The following SYK variants were observed in gnomAD, a reference collection of about 807,000 sequenced individuals.
The protein encoded by SYK is spleen associated tyrosine kinase, also known as tyrosine-protein kinase SYK.
In SYK, 16 loss-of-function variants were observed where a neutral mutation model predicts 77.8. The observed-to-expected ratio is 0.21, with a 90% CI of 0.14 to 0.31. The LOEUF is 0.31. Among genes scored for constraint, SYK ranks in the 10% least tolerant of loss-of-function variants. The pLI is 1.00. For synonymous variants in SYK, 312 were observed against 308.7 expected (o/e 1.01, Z -0.11); for missense variants, 529 against 814.4 (o/e 0.65, Z 4.26).
intron 3 of SYK, among the ~76,000 whole-genome samples, chr9:90,857,298 A>G (rs1254411928): frequency 6.6e-6 from 1 of 152,252 alleles, no homozygotes; most frequent in Admixed American, 6.5e-5. Flanking sequence ...GACCTAGGTC[A>G]TCATAAAGAG....
intron 13 of SYK, among the ~76,000 whole-genome samples, chr9:90,894,817 G>A (rs1015833368): frequency 6.6e-6 from 1 of 152,238 alleles, no homozygotes; most frequent in South Asian, 2.1e-4. Context: ...AGAAGTGTCT[G>A]TAAGTGTTTG....
chr9:90,814,857 CACACACACAA>C (rs139451376), intron 1 of SYK, among the ~76,000 whole-genome samples: 39,763 of 120,332 alleles, frequency 0.33, 6,070 homozygotes, highest in East Asian at 0.47. Flanking sequence ...CACACACACA[CACACACACAA>C]AATAATGTTA....
At chr9:90,886,549 C>CA (rs1156290561) in intron 11 of SYK, among the ~76,000 whole-genome samples, 1 of 152,050 alleles carries the variant, frequency 6.6e-6, no homozygotes, top group African/African-American at 2.4e-5. Context: ...ACTAAAAATA[C>CA]AAAAAATTGG....
intron 1 of SYK, among the ~76,000 whole-genome samples, chr9:90,819,987 A>G (rs559723986): frequency 6.6e-6 from 1 of 152,318 alleles, no homozygotes; most frequent in Non-Finnish European, 1.5e-5. Context: ...CAAAACAAAG[A>G]GGTTACAGGG....
At chr9:90,886,307 T>TA (rs1434241600) in intron 11 of SYK, among the ~76,000 whole-genome samples, 3 of 152,140 alleles carry the variant, frequency 2.0e-5, no homozygotes, top group Admixed American at 6.5e-5. Context: ...AGACTTTTTT[T>TA]AAAAAAATGC....
chr9:90,891,505 C>T (rs999998845), intron 13 of SYK, among the ~76,000 whole-genome samples: 1 of 152,170 alleles, frequency 6.6e-6, no homozygotes, highest in Admixed American at 6.5e-5. Flanking sequence ...TCTATTGACA[C>T]AGCTGCCGGC....
At position 90,865,032 on chromosome 9, in the gene SYK, T is replaced by C. The variant is rs769075123; in HGVS notation, c.797-16T>C. 2.5e-6 allele frequency: 4 copies of C among 1,613,960 alleles called. No individual in the cohort carries two copies. The South Asian group carries it at 3.3e-5, about 13-fold the overall frequency. ...CCTCAGATAGAGCAGTAATTGTCCA[T>C]GCTCTCTCTAACCAGGAAATGTTAA... On this transcript the variant is annotated splice_polypyrimidine_tract_variant and intron_variant, in intron 5 of 13. Transcript: ENST00000375754.
intron 1 of SYK, among the ~76,000 whole-genome samples, chr9:90,838,711 GA>G (rs908838123): frequency 1.4e-4 from 21 of 152,238 alleles, no homozygotes; most frequent in African/African-American, 4.6e-4. Flanking sequence ...GTCACACATG[GA>G]AAAAAATAAC....
At chr9:90,833,072 C>T (rs767253231) in intron 1 of SYK, among the ~76,000 whole-genome samples, 2 of 152,196 alleles carry the variant, frequency 1.3e-5, no homozygotes, top group African/African-American at 2.4e-5. Flanking sequence ...TCCAATGAGG[C>T]ATCTGGTTTC....
At chr9:90,890,374 C>T (rs73506066) in intron 13 of SYK, among the ~76,000 whole-genome samples, 3,796 of 152,234 alleles carry the variant, frequency 0.025, 77 homozygotes, top group South Asian at 0.049. Context: ...AGGGGCAGAC[C>T]GGGGAGGGAA....
chr9:90,817,845 TTGTGTGTGTGTG>T (rs746939088), intron 1 of SYK, among the ~76,000 whole-genome samples: 12,236 of 137,272 alleles, frequency 0.089, 569 homozygotes, highest in Middle Eastern at 0.14. Flanking sequence ...CTCAATAATG[TTGTGTGTGTGTG>T]TGTGTGTGTG....
chr9:90,850,936 A>G (rs1826797078), intron 3 of SYK, among the ~76,000 whole-genome samples: 1 of 152,194 alleles, frequency 6.6e-6, no homozygotes, highest in African/African-American at 2.4e-5. Context: ...CAGATGATGG[A>G]AGCAGATTAC....
chr9:90,871,628 T>C (rs1313742868), intron 7 of SYK, among the ~76,000 whole-genome samples: 1 of 152,234 alleles, frequency 6.6e-6, no homozygotes, highest in Non-Finnish European at 1.5e-5. Context: ...CATCTTCATC[T>C]TTATCATAAA....
upstream of SYK, chr9:90,801,706 G>C (rs1826735770): frequency 6.6e-6 from 1 of 152,228 alleles, no homozygotes; most frequent in Admixed American, 6.5e-5. Context: ...CGGTCAGCAG[G>C]GCGGGCCAGG....
chr9:90,865,808 T>C (rs1236545937), intron 6 of SYK, among the ~76,000 whole-genome samples: 2 of 150,280 alleles, frequency 1.3e-5, no homozygotes, highest in African/African-American at 2.5e-5. Context: ...GTCTCCTCCC[T>C]CCAGCCTGTT....
At chr9:90,852,942 A>G (rs372132823) in intron 3 of SYK, among the ~76,000 whole-genome samples, 3 of 152,184 alleles carry the variant, frequency 2.0e-5, no homozygotes, top group African/African-American at 4.8e-5. Context: ...TCTGCAATGC[A>G]TGGCAGTAGG....
chr9:90,801,880 C>G lies in SYK; in HGVS notation c.-55C>G, dbSNP rs1220096884. ...GGCCCCGCGCTGCGCCCGCCCTCGC[C>G]TCACCTGGCGCAGGTAGGTGTGGCC... On this transcript the variant is annotated 5_prime_UTR_variant, in exon 1 of 14. Transcript: ENST00000375754. 6.6e-6 allele frequency: 1 copy of G among 152,516 alleles called. No individual in the cohort carries two copies. The highest frequency in any genetic ancestry group is 2.4e-5 in the African/African-American group (1 of 41,452). 9.4% of individuals were successfully genotyped at this position (152,516 alleles called of 1,614,324 possible).
chr9:90,894,074 A>G (rs1828893210), intron 13 of SYK, among the ~76,000 whole-genome samples: 1 of 152,176 alleles, frequency 6.6e-6, no homozygotes, highest in Admixed American at 6.5e-5. Flanking sequence ...GTTTCCCTGC[A>G]TTTGTTTGCT....
chr9:90,868,010 T>G (rs1157845179), intron 7 of SYK, among the ~76,000 whole-genome samples: 1 of 152,218 alleles, frequency 6.6e-6, no homozygotes, highest in African/African-American at 2.4e-5. Context: ...TACCGACATT[T>G]TAGCATATAA....
Sources: gnomAD v4.1 joint callset for allele counts (sites outside exome capture counted in the v4.1 genomes callset) on GRCh38, gnomAD v4.1.1 for gene constraint, MANE v1.5 for transcripts, NCBI Gene and HGNC (gene_info 2026-07-23, HGNC 2026-07-21) for gene names.